The following PHACTR4 variants were observed in gnomAD, a reference collection of about 807,000 sequenced individuals.
The protein encoded by PHACTR4 is phosphatase and actin regulator 4.
PHACTR4 carries 51 observed loss-of-function variants against 72.7 expected under a neutral mutation model. The observed-to-expected ratio is 0.70, with a 90% confidence interval of 0.56 to 0.89. PHACTR4 has a LOEUF of 0.89. PHACTR4 is among the 40% of genes least tolerant of loss of function. PHACTR4 has a pLI of 0.00. For synonymous variants in PHACTR4, 255 were observed against 302.5 expected, an observed-to-expected ratio of 0.84 and a Z score of 1.63; for missense variants, 731 against 861.8, an observed-to-expected ratio of 0.85 and a Z score of 1.90.
chr1:28,473,500 C>T (rs1659710794), intron 6 of PHACTR4, 54 bp from the exon 7 acceptor site: 14 of 1,351,894 alleles, frequency 1.0e-5, no homozygotes, highest in Non-Finnish European at 1.4e-5. Flanking sequence ...CCTGGGCCGG[C>T]CCTTCAAAGC....
intron 4 of PHACTR4, among the ~76,000 whole-genome samples, chr1:28,465,185 G>A (rs1166798196): frequency 1.3e-5 from 2 of 152,126 alleles, no homozygotes; most frequent in African/African-American, 2.4e-5. Flanking sequence ...ACCCTGGGCC[G>A]GGCACGGTGG....
At chr1:28,483,798 CA>C (rs991081654) in intron 9 of PHACTR4, among the ~76,000 whole-genome samples, 1,484 of 70,980 alleles carry the variant, frequency 0.021, 8 homozygotes, top group African/African-American at 0.052. Flanking sequence ...GACTCCGTCT[CA>C]AAAAAAAAAA....
chr1:28,460,516 T>TAA (rs200077742), intron 4 of PHACTR4, among the ~76,000 whole-genome samples: 1 of 151,838 alleles, frequency 6.6e-6, no homozygotes, highest in Non-Finnish European at 1.5e-5. Context: ...TGTCTTTTTT[T>TAA]TCCCCCCCTT....
chr1:28,414,356 G>T (rs1266466503), intron 2 of PHACTR4, among the ~76,000 whole-genome samples: 1 of 149,592 alleles, frequency 6.7e-6, no homozygotes, highest in Non-Finnish European at 1.5e-5. Context: ...ATGAGCCTCT[G>T]CAGCTGGCCT....
At chr1:28,455,204 T>TC (rs1658301727) in intron 2 of PHACTR4, among the ~76,000 whole-genome samples, 2 of 142,024 alleles carry the variant, frequency 1.4e-5, no homozygotes, top group Non-Finnish European at 3.1e-5. Flanking sequence ...CTTTCTTTTT[T>TC]TTTTTTTTTT....
intron 2 of PHACTR4, among the ~76,000 whole-genome samples, chr1:28,438,702 A>ATATTGC (rs1656796330): frequency 6.6e-6 from 1 of 152,178 alleles, no homozygotes; most frequent in Non-Finnish European, 1.5e-5. Context: ...TTTTTATATT[A>ATATTGC]TATTGCTAAG....
At chr1:28,378,464 T>G (rs1465299091) in intron 1 of PHACTR4, among the ~76,000 whole-genome samples, 1 of 149,314 alleles carries the variant, frequency 6.7e-6, no homozygotes, top group Non-Finnish European at 1.5e-5. Flanking sequence ...GATCATGCCA[T>G]TGCACTCCAG....
At chr1:28,443,254 G>C (rs1454552596) in intron 2 of PHACTR4, among the ~76,000 whole-genome samples, 1 of 71,556 alleles carries the variant, frequency 1.4e-5, no homozygotes, top group Non-Finnish European at 3.1e-5. Flanking sequence ...AGAATGACAG[G>C]ATTTCATTGT....
In PHACTR4 at chr1:28,375,930, G is replaced by C. The variant is rs554302513; in HGVS notation, c.-39+6105G>C. Among the ~76,000 whole-genome samples the C allele has an allele frequency of 7.9e-5, 12 of 152,152 alleles. No homozygotes were observed. The South Asian group carries it at 2.5e-3, about 32-fold the overall frequency. On this transcript the variant is annotated intron_variant, in intron 1 of 13. Coordinates refer to ENST00000373839, the MANE Select transcript of PHACTR4 (RefSeq NM_001048183.3). The stretch of plus-strand genomic sequence containing the variant: ...ACTAAAAATACAAAATTAGCCAGGC[G>C]TGGTGGTACACGCCTGTAATTCCAG...
intron 4 of PHACTR4, among the ~76,000 whole-genome samples, chr1:28,464,731 T>C (rs1355666049): frequency 6.6e-6 from 1 of 152,090 alleles, no homozygotes; most frequent in Non-Finnish European, 1.5e-5. Context: ...GAGTTGGAAG[T>C]TTTGCTCTGC....
chr1:28,431,178 CAA>C (rs1297297050), intron 2 of PHACTR4, among the ~76,000 whole-genome samples: 1 of 79,598 alleles, frequency 1.3e-5, no homozygotes, highest in African/African-American at 5.7e-5. Flanking sequence ...GACTCCATCT[CAA>C]AAAAAAAAAA....
At chr1:28,444,055 GT>G (rs1657244882) in intron 2 of PHACTR4, among the ~76,000 whole-genome samples, 2 of 151,878 alleles carry the variant, frequency 1.3e-5, no homozygotes, top group African/African-American at 4.8e-5. Context: ...CACCGACAGT[GT>G]ATAGTGTTCC....
At chr1:28,391,599 CTTTTTTT>C (rs751801605) in intron 1 of PHACTR4, among the ~76,000 whole-genome samples, 17 of 98,814 alleles carry the variant, frequency 1.7e-4, no homozygotes, top group South Asian at 3.3e-4. Flanking sequence ...AAAATATATT[CTTTTTTT>C]TTTTTTTTTT....
At chr1:28,414,435 A>G (rs1654979869) in intron 2 of PHACTR4, among the ~76,000 whole-genome samples, 1 of 148,962 alleles carries the variant, frequency 6.7e-6, no homozygotes, top group Non-Finnish European at 1.5e-5. Context: ...CTCAAAAAAA[A>G]AAAAAAAAAA....
Position 28,482,273 on chromosome 1 carries a change from G to C in PHACTR4, c.1760+1669G>C, listed in dbSNP as rs79053569. 5.1e-3 allele frequency among the ~76,000 whole-genome samples: 771 copies of C among 152,256 alleles called. 5 individuals carry two copies. Among genetic ancestry groups the C allele is most frequent in the African/African-American group, 0.017 (723 of 41,554 alleles). ...TCTACATAAATCAGAATGGTTCCCA[G>C]AACAGAAAGGCTCCTCTGTCACTTT... On this transcript the variant is annotated intron_variant, in intron 9 of 13. Transcript: ENST00000373839.
chr1:28,453,489 G>A (rs1028790689), intron 2 of PHACTR4: 2 of 392,636 alleles, frequency 5.1e-6, no homozygotes, highest in Non-Finnish European at 9.3e-6. Flanking sequence ...AGCTGCAGTT[G>A]CCTGCCATTT....
chr1:28,431,477 G>A (rs1185777356), intron 2 of PHACTR4, among the ~76,000 whole-genome samples: 2 of 148,650 alleles, frequency 1.3e-5, no homozygotes, highest in African/African-American at 2.5e-5. Flanking sequence ...ACAGGCGTGA[G>A]CCACCGCACC....
intron 1 of PHACTR4, among the ~76,000 whole-genome samples, chr1:28,395,130 C>G (rs1653390158): frequency 6.6e-6 from 1 of 152,032 alleles, no homozygotes; most frequent in African/African-American, 2.4e-5. Flanking sequence ...CCAGGCTGGT[C>G]TCAAACTCCA....
At chr1:28,399,060 T>C (rs12134676) in intron 1 of PHACTR4, among the ~76,000 whole-genome samples, 58,620 of 151,560 alleles carry the variant, frequency 0.39, 13,019 homozygotes, top group African/African-American at 0.6. Context: ...ATCTGTAATC[T>C]CTGCACTTTG....
Sources: gnomAD v4.1 joint callset for allele counts (sites outside exome capture counted in the v4.1 genomes callset) on GRCh38, gnomAD v4.1.1 for gene constraint, MANE v1.5 for transcripts, NCBI Gene and HGNC (gene_info 2026-07-23, HGNC 2026-07-21) for gene names.